Variants in TTC39B observed in about 807,000 individuals in gnomAD.
TTC39B encodes the protein tetratricopeptide repeat domain 39B, also known as tetratricopeptide repeat protein 39B.
In TTC39B, 92 loss-of-function variants were observed where a neutral mutation model predicts 96.6. The observed-to-expected ratio is 0.95, with a 90% CI of 0.80 to 1.13. The LOEUF (loss-of-function observed/expected upper bound fraction) is 1.13, where lower values mean the gene tolerates loss of function less well. Ranked by LOEUF, TTC39B falls within the 50% of genes most tolerant of loss-of-function variation. The probability of loss-of-function intolerance (pLI) is 0.00; values close to 1 mark genes in which losing one functional copy is unlikely to be tolerated. For synonymous variants in TTC39B, 367 were observed against 299.4 expected (o/e 1.23, Z -2.33); for missense variants, 955 against 809.3 (o/e 1.18, Z -2.18).
chr9:15,291,439 C>A (rs1001234456), intron 1 of TTC39B, among the ~76,000 whole-genome samples: 1 of 152,216 alleles, frequency 6.6e-6, no homozygotes, highest in Non-Finnish European at 1.5e-5. Flanking sequence ...GATGGTGAGG[C>A]CTCCCCAGCC....
intron 2 of TTC39B, among the ~76,000 whole-genome samples, chr9:15,254,340 G>A (rs1026828876): frequency 5.3e-5 from 8 of 151,686 alleles, no homozygotes; most frequent in African/African-American, 1.9e-4. Flanking sequence ...TATAGTTTAA[G>A]GTAGCCATTG....
rs1431337439 is a variant in TTC39B, at chr9:15,214,340, G to GTA, written c.372-92_372-91insTA. On this transcript the variant is annotated intron_variant, in intron 3 of 19. Coordinates refer to ENST00000512701, the Ensembl canonical transcript of TTC39B. ...AGTGTGTGTGTGTGTGTGTGTGTGT[G>GTA]TGTGTGTCTGTGTGTGTGTGTCTGT... 5 of 765,416 alleles carry GTA rather than the reference G, an allele frequency of 6.5e-6. No individual in the cohort carries two copies. In the East Asian group the frequency reaches 1.4e-4, roughly 21 times the overall value. The allele number at this position is 765,416 out of a possible 1,614,324, so 47.4% of individuals were successfully genotyped here.
exon 20 of TTC39B, chr9:15,168,663 T>C (rs1285172923): frequency 6.6e-6 from 1 of 152,190 alleles, no homozygotes; most frequent in Admixed American, 6.5e-5. Flanking sequence ...ATACAAAAAA[T>C]TAGCCAGGCG....
chr9:15,206,834 G>A (rs1310247933), intron 6 of TTC39B, among the ~76,000 whole-genome samples: 3 of 152,096 alleles, frequency 2.0e-5, no homozygotes, highest in Admixed American at 1.3e-4. Flanking sequence ...TGCAACCTCT[G>A]TGATATGGTT....
chr9:15,194,830 T>A (rs990558385), intron 8 of TTC39B, among the ~76,000 whole-genome samples: 8 of 152,200 alleles, frequency 5.3e-5, no homozygotes, highest in Non-Finnish European at 5.9e-5. Flanking sequence ...CAATAAATGT[T>A]GTGTGTGTTC....
chr9:15,268,079 T>C, intron 1 of TTC39B, 131 bp from the exon 2 acceptor site: 1 of 671,970 alleles, frequency 1.5e-6, no homozygotes, highest in South Asian at 2.1e-5. Context: ...GGCAGTAGAA[T>C]CAATCAACTT....
At chr9:15,187,157 G>C (rs1818575362) in intron 14 of TTC39B, 122 bp from the exon 15 acceptor site, 1 of 653,338 alleles carries the variant, frequency 1.5e-6, no homozygotes, top group Admixed American at 3.1e-5. Context: ...AGAAATCAGA[G>C]GAAATGAAAT....
rs532561275 is a variant in TTC39B, at chr9:15,270,615, GAAA to G, written c.241-2670_241-2668del. 1.0e-4 allele frequency among the ~76,000 whole-genome samples: 12 copies of G among 120,132 alleles called. No homozygotes were observed. The South Asian group carries it at 3.2e-3, about 32-fold the overall frequency. The allele number at this position is 120,132 out of a possible 152,430, so 78.8% of individuals were successfully genotyped here. A position where few individuals can be genotyped will look rare whatever the true frequency, so the allele number is the denominator to read the frequency against. On this transcript the variant is annotated intron_variant, in intron 1 of 19. Transcript: ENST00000512701. The stretch of plus-strand genomic sequence containing the variant: ...TATTCCCACCCCTCCATCAAAAAAA[GAAA>G]AAAAAAAAAAAGAATATCAAGCCAG...
At chr9:15,233,898 T>C (rs1821597466) in intron 2 of TTC39B, among the ~76,000 whole-genome samples, 1 of 149,346 alleles carries the variant, frequency 6.7e-6, no homozygotes, top group South Asian at 2.1e-4. Context: ...TGCCATCCCA[T>C]CTAGGAAGTG....
At chr9:15,191,147 T>C (rs1401069208) in intron 10 of TTC39B, 43 bp downstream of exon 10, 2 of 1,402,846 alleles carry the variant, frequency 1.4e-6, no homozygotes, top group Admixed American at 3.5e-5. Flanking sequence ...ATAAATACTG[T>C]CTTATCTTCC....
intron 4 of TTC39B, among the ~76,000 whole-genome samples, chr9:15,212,980 T>C (rs1820293266): frequency 6.6e-6 from 1 of 152,218 alleles, no homozygotes; most frequent in Non-Finnish European, 1.5e-5. Flanking sequence ...TAAATGTTCC[T>C]GACACTAAGA....
At chr9:15,190,146 G>T (rs1205220335) in intron 11 of TTC39B, among the ~76,000 whole-genome samples, 1 of 151,980 alleles carries the variant, frequency 6.6e-6, no homozygotes, top group Non-Finnish European at 1.5e-5. Flanking sequence ...AGAAATTTTA[G>T]CTGAGAACAG....
intron 2 of TTC39B, among the ~76,000 whole-genome samples, chr9:15,254,887 T>G (rs1822697097): frequency 7.0e-6 from 1 of 142,918 alleles, no homozygotes; most frequent in Non-Finnish European, 1.5e-5. Context: ...TTTTTTTTTT[T>G]GCTGCATAAA....
chr9:15,221,316 TA>T (rs1177808287), intron 3 of TTC39B, among the ~76,000 whole-genome samples: 3 of 152,194 alleles, frequency 2.0e-5, no homozygotes, highest in Admixed American at 2.0e-4. Flanking sequence ...TTTACCCAAT[TA>T]TTTATATACT....
chr9:15,177,708 A>T (rs1818016772), exon 18 of TTC39B: 1 of 1,609,070 alleles, frequency 6.2e-7, no homozygotes, highest in East Asian at 2.2e-5. Context: ...TTTCCACAAC[A>T]TGATTGTAAC....
At chr9:15,211,197 G>T (rs1820176624) in intron 5 of TTC39B, 69 bp downstream of exon 5, 2 of 1,392,626 alleles carry the variant, frequency 1.4e-6, no homozygotes, top group South Asian at 1.8e-5. Flanking sequence ...TCAGGCAAAT[G>T]ACATTATTTT....
chr9:15,197,749 G>C (rs528145735), intron 8 of TTC39B, among the ~76,000 whole-genome samples: 2 of 151,932 alleles, frequency 1.3e-5, no homozygotes, highest in Admixed American at 1.3e-4. Flanking sequence ...AAAAAAGCCA[G>C]AAGAAAAGAC....
intron 13 of TTC39B, 22 bp from the exon 14 acceptor site, chr9:15,188,154 T>C: frequency 6.4e-7 from 1 of 1,570,994 alleles, no homozygotes; most frequent in Non-Finnish European, 8.6e-7. Flanking sequence ...GTACACAAAG[T>C]TGATCGTCCA....
intron 1 of TTC39B, among the ~76,000 whole-genome samples, chr9:15,291,836 G>C (rs7023154): frequency 0.24 from 36,567 of 152,072 alleles, 4,976 homozygotes; most frequent in Non-Finnish European, 0.3. Flanking sequence ...AAAGAGGAAA[G>C]AACATGGGCA....
Sources: allele counts gnomAD v4.1 joint callset (sites outside exome capture counted in the v4.1 genomes callset), GRCh38; gene constraint gnomAD v4.1.1; transcripts MANE v1.5; gene names NCBI Gene and HGNC (gene_info 2026-07-23, HGNC 2026-07-21).